KAZN: variants seen among roughly 807,000 people sequenced by gnomAD.
KAZN encodes kazrin, periplakin interacting protein, also known as kazrin.
Under a neutral mutation model 87.4 loss-of-function variants are expected in KAZN, and 40 were observed. The observed-to-expected ratio is 0.46, with a 90% CI of 0.36 to 0.60. The LOEUF (loss-of-function observed/expected upper bound fraction) is 0.60, where lower values mean the gene tolerates loss of function less well. Among genes scored for constraint, KAZN ranks in the 20% least tolerant of loss-of-function variants. KAZN has a pLI of 0.00. For synonymous variants in KAZN, 466 were observed against 458.3 expected (o/e 1.02, Z -0.22); for missense variants, 898 against 1,073.9 (o/e 0.84, Z 2.29).
At chr1:14,391,881 A>T (rs192815889) in intron 2 of KAZN, among the ~76,000 whole-genome samples, 50 of 151,500 alleles carry the variant, frequency 3.3e-4, no homozygotes, top group Non-Finnish European at 5.7e-4. Context: ...TTCCTTTTTC[A>T]CTCCTCACAA....
Position 14,773,254 on chromosome 1 carries a change from TA to T in KAZN, c.226+174032del, listed in dbSNP as rs1645071787. On this transcript the variant is annotated intron_variant, in intron 1 of 14. Transcript: ENST00000376030. This position sits in a 1 kb window ranked among gnomAD's most constrained non-coding sequence, Gnocchi z 5.9. ...AAGAGATCTGATACTGAGATCCCGCTAGTCATGGGGTGAGCTACAGTGGGAC... is the reference window on the plus strand; with the variant it reads ...AAGAGATCTGATACTGAGATCCCGCTGTCATGGGGTGAGCTACAGTGGGAC... Among the ~76,000 whole-genome samples, 1 of 152,120 alleles carries T rather than the reference TA, an allele frequency of 6.6e-6. No individual in the cohort carries two copies. Among genetic ancestry groups the T allele is most frequent in the Non-Finnish European group, 1.5e-5 (1 of 68,002 alleles).
intron 1 of KAZN, among the ~76,000 whole-genome samples, chr1:14,932,313 A>G (rs1281583790): frequency 2.0e-5 from 3 of 151,790 alleles, no homozygotes; most frequent in Non-Finnish European, 2.9e-5. Context: ...AGGTGGTCAG[A>G]CATCCAGCTG....
At chr1:15,037,157 G>A (rs1055679330) in intron 3 of KAZN, among the ~76,000 whole-genome samples, 1 of 152,072 alleles carries the variant, frequency 6.6e-6, no homozygotes, top group African/African-American at 2.4e-5. Flanking sequence ...TCTTTTTTCA[G>A]TGGGCAAGGC....
At chr1:14,630,589 T>C (rs1679491778) in intron 1 of KAZN, among the ~76,000 whole-genome samples, 1 of 152,198 alleles carries the variant, frequency 6.6e-6, no homozygotes, top group Non-Finnish European at 1.5e-5. Context: ...CAAAGGGCCA[T>C]TGTGGGAGTT....
rs146122665 is a variant in KAZN, at chr1:14,580,411, G to C, written c.250-18572G>C. ...AATTGCTTGAACCCAGGAAGAGGAA[G>C]TTGCGGTGAGCCGAGATCGTGCCAT... is the stretch of plus-strand genomic sequence containing the variant. On this transcript the variant is annotated intron_variant, in intron 2 of 16. Coordinates refer to the KAZN transcript ENST00000636203. Among the ~76,000 whole-genome samples the C allele has an allele frequency of 9.2e-3, 1,394 of 152,216 alleles. 25 individuals carry two copies. The highest frequency in any genetic ancestry group is 0.031 in the African/African-American group (1,289 of 41,526).
intron 1 of KAZN, among the ~76,000 whole-genome samples, chr1:14,632,833 T>G (rs962117400): frequency 6.6e-6 from 1 of 152,096 alleles, no homozygotes; most frequent in Non-Finnish European, 1.5e-5. Context: ...GACCGTGGCG[T>G]GACCTGAATA....
At chr1:13,987,632 C>A (rs1639082411) in intron 1 of KAZN, among the ~76,000 whole-genome samples, 1 of 151,946 alleles carries the variant, frequency 6.6e-6, no homozygotes, top group Non-Finnish European at 1.5e-5. Context: ...ATTGTGTCAT[C>A]ATATGGCACA....
chr1:14,252,964 G>A (rs1296002475), intron 2 of KAZN, among the ~76,000 whole-genome samples: 1 of 152,132 alleles, frequency 6.6e-6, no homozygotes, highest in Non-Finnish European at 1.5e-5. Flanking sequence ...AGAAGAGAGG[G>A]TAGAAAATTC....
intron 1 of KAZN, among the ~76,000 whole-genome samples, chr1:14,043,666 C>A (rs1641936348): frequency 6.6e-6 from 1 of 151,892 alleles, no homozygotes; most frequent in Admixed American, 6.6e-5. Flanking sequence ...ACGTAATAGA[C>A]TTTTCAAAGG....
At chr1:14,851,004 A>G (rs1484854310) in intron 1 of KAZN, among the ~76,000 whole-genome samples, 1 of 152,222 alleles carries the variant, frequency 6.6e-6, no homozygotes, top group African/African-American at 2.4e-5. Flanking sequence ...CAGGCCCTGC[A>G]CAGTGCTGGG....
chr1:14,841,633 C>T (rs1325619812), intron 1 of KAZN, among the ~76,000 whole-genome samples: 2 of 152,136 alleles, frequency 1.3e-5, no homozygotes, highest in East Asian at 3.9e-4. Flanking sequence ...AGCTCTGCAC[C>T]CAGTGACGTC....
At chr1:14,361,318 C>T (rs1659492555) in intron 2 of KAZN, among the ~76,000 whole-genome samples, 2 of 152,242 alleles carry the variant, frequency 1.3e-5, no homozygotes, top group Non-Finnish European at 2.9e-5. Context: ...CAACCTCAGA[C>T]TGCTGTGCTG....
chr1:14,912,752 T>A (rs1657385010), intron 1 of KAZN, among the ~76,000 whole-genome samples: 1 of 152,174 alleles, frequency 6.6e-6, no homozygotes, highest in South Asian at 2.1e-4. Flanking sequence ...AATGTTAAAA[T>A]GTTGGCATCC....
At chr1:14,676,533 A>G (rs959919131) in intron 1 of KAZN, among the ~76,000 whole-genome samples, 4 of 152,236 alleles carry the variant, frequency 2.6e-5, no homozygotes, top group African/African-American at 7.2e-5. Context: ...GGAGCTAAAA[A>G]GTGGAGACAA....
At chr1:15,065,089 T>A (rs1419078890) in intron 7 of KAZN, among the ~76,000 whole-genome samples, 1 of 130,670 alleles carries the variant, frequency 7.7e-6, no homozygotes, top group African/African-American at 3.1e-5. Flanking sequence ...TGCAGTGCAG[T>A]GGCGCGATCC....
At chr1:14,091,855 T>A (rs1644003178) in intron 1 of KAZN, among the ~76,000 whole-genome samples, 1 of 152,164 alleles carries the variant, frequency 6.6e-6, no homozygotes. Flanking sequence ...CTAACCTTGC[T>A]TGGTACTTTG....
intron 1 of KAZN, among the ~76,000 whole-genome samples, chr1:14,943,917 C>A (rs1449671035): frequency 6.6e-6 from 1 of 152,180 alleles, no homozygotes; most frequent in African/African-American, 2.4e-5. Flanking sequence ...ACTAAAAATA[C>A]AAACTAATTA....
intron 1 of KAZN, among the ~76,000 whole-genome samples, chr1:14,621,485 C>T (rs1403110877): frequency 1.3e-5 from 2 of 152,164 alleles, no homozygotes; most frequent in Non-Finnish European, 2.9e-5. Flanking sequence ...CTCCTCAGAG[C>T]CCCCAGGCTA....
chr1:15,092,073 A>G (rs199660614), intron 8 of KAZN, among the ~76,000 whole-genome samples: 15 of 75,452 alleles, frequency 2.0e-4, no homozygotes, highest in East Asian at 5.6e-4. Flanking sequence ...TTTTTTTTTG[A>G]TTTTTTTTTT....
Sources: allele counts gnomAD v4.1 joint callset (sites outside exome capture counted in the v4.1 genomes callset), GRCh38; gene constraint gnomAD v4.1.1; non-coding constraint Gnocchi (gnomAD v3.1); transcripts MANE v1.5; gene names NCBI Gene and HGNC (gene_info 2026-07-23, HGNC 2026-07-21).